The following TAOK3 variants were observed in gnomAD, a reference collection of about 807,000 sequenced individuals.
The protein encoded by TAOK3 is serine/threonine-protein kinase TAO3.
A neutral mutation model predicts 120.4 loss-of-function variants in TAOK3; 40 were observed. The observed-to-expected ratio is 0.33, with a 90% CI of 0.26 to 0.43. TAOK3 has a LOEUF of 0.43. Among genes scored for constraint, TAOK3 ranks in the 20% least tolerant of loss-of-function variants. The pLI, the probability that TAOK3 is intolerant of heterozygous loss-of-function variation, is 1.00. For missense variants in TAOK3, 821 were observed against 1,112.1 expected (o/e 0.74, Z 3.72); for synonymous variants, 355 against 387.5 (o/e 0.92, Z 0.99).
chr12:118,223,527 T>C (rs1413338504), intron 9 of TAOK3, among the ~76,000 whole-genome samples: 5 of 151,716 alleles, frequency 3.3e-5, no homozygotes, highest in African/African-American at 1.2e-4. Flanking sequence ...TTTGTATTTT[T>C]AGTAGAGACG....
chr12:118,168,695 A>C (rs1289015176), intron 17 of TAOK3, among the ~76,000 whole-genome samples: 1 of 152,164 alleles, frequency 6.6e-6, no homozygotes, highest in Non-Finnish European at 1.5e-5. Context: ...TTTTTGCTCA[A>C]CTGGCTAGAA....
intron 1 of TAOK3, among the ~76,000 whole-genome samples, chr12:118,311,382 A>G (rs2043255480): frequency 6.6e-6 from 1 of 152,182 alleles, no homozygotes; most frequent in Non-Finnish European, 1.5e-5. Context: ...AATCGCTTGA[A>G]CTTGGGAGGC....
At position 118,201,303 on chromosome 12, in the gene TAOK3, T is replaced by C. The variant is rs796927141; in HGVS notation, c.980A>G (p.Asp327Gly). 4 of 1,612,414 alleles carry C rather than the reference T, an allele frequency of 2.5e-6. No individual in the cohort carries two copies. The African/African-American group carries it at 4.0e-5, about 16-fold the overall frequency. The change falls in exon 12 of 21, where the codon GAT becomes GGT. Residue 327 changes from aspartate to glycine, a missense_variant. Physicochemically the swap from Asp to Gly is moderately conservative, Grantham distance 94. Transcript: ENST00000392533. ...RNGPLNESQE[D>G]EEDSEHGTSL... ...AAAATAAATTGAACCTACTTCCTCA[T>C]CCTCCTGTGACTCATTCAAGGGTCC... is the stretch of plus-strand genomic sequence containing the variant.
rs777786167 is a variant in TAOK3, at chr12:118,244,982, G to C, written c.121-17C>G. 11 of 1,551,860 alleles carry C rather than the reference G, an allele frequency of 7.1e-6. No individual in the cohort carries two copies. Among genetic ancestry groups the C allele is most frequent in the Non-Finnish European group, 8.8e-7 (1 of 1,133,288 alleles). ...ATTTGTAGCCTGTGTTAAGAGGGTA[G>C]AAGAAAAAGAAAAAGAATTAGTGAT... On this transcript the variant is annotated splice_polypyrimidine_tract_variant and intron_variant, in intron 3 of 20. Coordinates refer to ENST00000392533, the MANE Select transcript of TAOK3 (RefSeq NM_016281.4).
At chr12:118,286,316 A>C (rs1955694327) in intron 1 of TAOK3, among the ~76,000 whole-genome samples, 1 of 152,156 alleles carries the variant, frequency 6.6e-6, no homozygotes, top group African/African-American at 2.4e-5. Flanking sequence ...AATCTTCACA[A>C]TCTATACATC....
chr12:118,171,200 T>A (rs1045687637), intron 17 of TAOK3, among the ~76,000 whole-genome samples: 1 of 152,240 alleles, frequency 6.6e-6, no homozygotes, highest in Non-Finnish European at 1.5e-5. Flanking sequence ...GGATTAACTA[T>A]CAGTTCTGAG....
chr12:118,247,562 T>C (rs1308259938), intron 3 of TAOK3, among the ~76,000 whole-genome samples: 1 of 152,148 alleles, frequency 6.6e-6, no homozygotes, highest in East Asian at 1.9e-4. Context: ...TCATCCAGGC[T>C]GGAGTGCAGT....
At chr12:118,151,365 A>G (rs2034423970) in intron 20 of TAOK3, among the ~76,000 whole-genome samples, 2 of 152,216 alleles carry the variant, frequency 1.3e-5, no homozygotes, top group Non-Finnish European at 2.9e-5. Context: ...CCTGTGATCA[A>G]TGCATCTAAA....
intron 8 of TAOK3, among the ~76,000 whole-genome samples, chr12:118,234,699 C>T: frequency 6.6e-6 from 1 of 152,150 alleles, no homozygotes. Context: ...TAGGCCACCA[C>T]ACCTGGCCAT....
intron 1 of TAOK3, among the ~76,000 whole-genome samples, chr12:118,280,058 C>T (rs2140407230): frequency 6.9e-6 from 1 of 145,146 alleles, no homozygotes; most frequent in East Asian, 2.2e-4. Context: ...AGCCACCGCG[C>T]CCCACCTTTT....
intron 1 of TAOK3, among the ~76,000 whole-genome samples, chr12:118,328,822 T>C (rs926080531): frequency 6.6e-6 from 1 of 152,256 alleles, no homozygotes; most frequent in Non-Finnish European, 1.5e-5. Flanking sequence ...AGTGGATATT[T>C]TGGCATGAGG....
intron 1 of TAOK3, among the ~76,000 whole-genome samples, chr12:118,367,412 G>GTT (rs776529823): frequency 7.1e-6 from 1 of 140,556 alleles, no homozygotes. Flanking sequence ...ATTTGAAATA[G>GTT]TTTTTTTTTT....
chr12:118,212,197 T>C (rs1003783308), intron 11 of TAOK3, among the ~76,000 whole-genome samples: 4 of 152,182 alleles, frequency 2.6e-5, no homozygotes, highest in Non-Finnish European at 4.4e-5. Context: ...AAGCCAGCCA[T>C]TCTAGAGACG....
chr12:118,274,108 A>G (rs935194770), intron 1 of TAOK3, among the ~76,000 whole-genome samples: 2 of 152,130 alleles, frequency 1.3e-5, no homozygotes, highest in African/African-American at 4.8e-5. Flanking sequence ...AGACTTGAAG[A>G]GAACTGTCTA....
At chr12:118,251,783 T>C (rs1032620873) in intron 3 of TAOK3, among the ~76,000 whole-genome samples, 8 of 152,018 alleles carry the variant, frequency 5.3e-5, no homozygotes, top group African/African-American at 1.9e-4. Flanking sequence ...TGGTTTATTG[T>C]AGTCATTCTG....
chr12:118,371,964 T>C lies in TAOK3; in HGVS notation c.-194+684A>G, dbSNP rs1319864636. 6.9e-5 allele frequency among the ~76,000 whole-genome samples: 10 copies of C among 145,138 alleles called. No individual in the cohort carries two copies. The highest frequency in any genetic ancestry group is 1.2e-4 in the Non-Finnish European group (8 of 66,144). ...CCCGCTGTCCCGGCCTCTCTCTAGGTGTCCTGCTCTCAGCCCCGCTGTCTC... is the reference window on the plus strand; with the variant it reads ...CCCGCTGTCCCGGCCTCTCTCTAGGCGTCCTGCTCTCAGCCCCGCTGTCTC... On this transcript the variant is annotated intron_variant, in intron 1 of 20. Coordinates refer to ENST00000392533, the MANE Select transcript of TAOK3 (RefSeq NM_016281.4). The surrounding 1 kb of genome is among the most constrained non-coding windows in gnomAD (Gnocchi z 5.5).
chr12:118,295,617 C>T (rs1017869447), intron 1 of TAOK3, among the ~76,000 whole-genome samples: 1 of 152,144 alleles, frequency 6.6e-6, no homozygotes, highest in African/African-American at 2.4e-5. Context: ...TGGCCTTATG[C>T]TCCTTAGCAC....
At chr12:118,353,767 T>C (rs1430894136) in intron 1 of TAOK3, among the ~76,000 whole-genome samples, 3 of 152,116 alleles carry the variant, frequency 2.0e-5, no homozygotes, top group African/African-American at 7.2e-5. Flanking sequence ...AGGAAAAACA[T>C]GGAATAAGCC....
chr12:118,214,552 G>A (rs1384944855), intron 9 of TAOK3, among the ~76,000 whole-genome samples: 4 of 150,630 alleles, frequency 2.7e-5, no homozygotes, highest in African/African-American at 9.7e-5. Flanking sequence ...CATAGAATAA[G>A]GAAAAAAGAT....
Sources: gnomAD v4.1 joint callset for allele counts (sites outside exome capture counted in the v4.1 genomes callset) on GRCh38, gnomAD v4.1.1 for gene constraint, Gnocchi (gnomAD v3.1) non-coding constraint, MANE v1.5 for transcripts, NCBI Gene and HGNC (gene_info 2026-07-23, HGNC 2026-07-21) for gene names.